Variants in TMTC2 observed in about 807,000 individuals in gnomAD.
TMTC2 encodes the protein transmembrane O-mannosyltransferase targeting cadherins 2.
Under a neutral mutation model 82.4 loss-of-function variants are expected in TMTC2, and 43 were observed. The ratio of observed to expected loss-of-function variants is 0.52; its 90% CI spans 0.41 to 0.67. TMTC2 has a LOEUF of 0.67. Among genes scored for constraint, TMTC2 ranks in the 30% least tolerant of loss-of-function variants. The probability of loss-of-function intolerance (pLI) is 0.00; values close to 1 mark genes in which losing one functional copy is unlikely to be tolerated. For synonymous variants in TMTC2, 408 were observed against 381.9 expected (o/e 1.07, Z -0.80); for missense variants, 919 against 1,012.4 (o/e 0.91, Z 1.25).
intron 2 of TMTC2, among the ~76,000 whole-genome samples, chr12:82,889,592 A>C (rs1873291891): frequency 6.6e-6 from 1 of 152,108 alleles, no homozygotes; most frequent in Admixed American, 6.5e-5. Flanking sequence ...CCTTTCGTAC[A>C]TACGTAAGCA....
chr12:82,722,281 G>A (rs752439643), intron 1 of TMTC2, among the ~76,000 whole-genome samples: 88 of 151,820 alleles, frequency 5.8e-4, no homozygotes, highest in Non-Finnish European at 1.2e-3. Flanking sequence ...GAGGTTGGGC[G>A]CGGTGGCTCA....
intron 7 of TMTC2, among the ~76,000 whole-genome samples, chr12:82,974,655 A>G (rs1878591882): frequency 6.6e-6 from 1 of 152,210 alleles, no homozygotes; most frequent in African/African-American, 2.4e-5. Context: ...CAAAAGCATA[A>G]TGAATTTATT....
intron 9 of TMTC2, among the ~76,000 whole-genome samples, chr12:83,038,708 G>A (rs565934206): frequency 6.6e-6 from 1 of 152,164 alleles, no homozygotes; most frequent in Non-Finnish European, 1.5e-5. Flanking sequence ...CATGGAGTAT[G>A]AATAAATTCT....
At chr12:83,127,874 A>G (rs1041527874) in intron 11 of TMTC2, among the ~76,000 whole-genome samples, 1 of 152,214 alleles carries the variant, frequency 6.6e-6, no homozygotes, top group Non-Finnish European at 1.5e-5. Flanking sequence ...CAAAGACCAC[A>G]GTAAAATAAC....
At chr12:82,899,357 A>G (rs1873843931) in intron 3 of TMTC2, among the ~76,000 whole-genome samples, 1 of 151,398 alleles carries the variant, frequency 6.6e-6, no homozygotes, top group African/African-American at 2.4e-5. Context: ...TTTTCCCTTC[A>G]CAGTTGACCT....
chr12:83,027,940 TCTTAAAA>T (rs1477729913), intron 8 of TMTC2, among the ~76,000 whole-genome samples: 1 of 152,218 alleles, frequency 6.6e-6, no homozygotes, highest in Non-Finnish European at 1.5e-5. Flanking sequence ...TCTTTTCTGT[TCTTAAAA>T]CTTAAGTGGA....
chr12:82,840,584 C>T lies in TMTC2; in HGVS notation c.84-16426C>T, dbSNP rs191085567. 3.3e-5 allele frequency among the ~76,000 whole-genome samples: 5 copies of T among 152,220 alleles called. No individual in the cohort carries two copies. The East Asian group carries it at 5.8e-4, about 18-fold the overall frequency. ...GAAATTATGTTTATTGTGATGGTCA[C>T]GATTGAATAAAAATGATCTCATGGT... On this transcript the variant is annotated intron_variant, in intron 1 of 11. Coordinates refer to ENST00000321196, the MANE Select transcript of TMTC2 (RefSeq NM_152588.3).
chr12:82,852,808 T>C (rs1334950584), intron 1 of TMTC2, among the ~76,000 whole-genome samples: 1 of 152,232 alleles, frequency 6.6e-6, no homozygotes, highest in Admixed American at 6.5e-5. Context: ...TCTTTCTTAA[T>C]AGGATGTTGA....
intron 9 of TMTC2, among the ~76,000 whole-genome samples, chr12:83,033,374 C>T (rs1479997149): frequency 6.6e-6 from 1 of 152,092 alleles, no homozygotes; most frequent in African/African-American, 2.4e-5. Context: ...AAGATTGAAG[C>T]CTAGAGAAAT....
intron 11 of TMTC2, among the ~76,000 whole-genome samples, chr12:83,084,118 G>C (rs1342165087): frequency 6.6e-6 from 1 of 152,156 alleles, no homozygotes; most frequent in African/African-American, 2.4e-5. Flanking sequence ...TCATACTCCT[G>C]AAATTCAGAA....
chr12:82,722,235 C>A (rs117382140), intron 1 of TMTC2, among the ~76,000 whole-genome samples: 3,050 of 151,854 alleles, frequency 0.02, 47 homozygotes, highest in Middle Eastern at 0.075. Flanking sequence ...TTTCTTTTCC[C>A]CTAAAATTGT....
intron 11 of TMTC2, among the ~76,000 whole-genome samples, chr12:83,125,228 T>C (rs1345876423): frequency 6.6e-6 from 1 of 152,228 alleles, no homozygotes; most frequent in East Asian, 1.9e-4. Flanking sequence ...TTGAGTGAAC[T>C]TATATCAAAG....
intron 1 of TMTC2, among the ~76,000 whole-genome samples, chr12:82,706,561 A>G (rs1416571983): frequency 6.6e-6 from 1 of 152,160 alleles, no homozygotes; most frequent in East Asian, 1.9e-4. Flanking sequence ...TAGCTATTAT[A>G]GGATTATATT....
intron 2 of TMTC2, among the ~76,000 whole-genome samples, chr12:82,864,968 A>G (rs1378284714): frequency 6.6e-6 from 1 of 150,702 alleles, no homozygotes; most frequent in Non-Finnish European, 1.5e-5. Context: ...TAATCCCAGC[A>G]CTTTGAGAGG....
chr12:83,032,859 C>T (rs1425329564), intron 9 of TMTC2, among the ~76,000 whole-genome samples: 2 of 152,216 alleles, frequency 1.3e-5, no homozygotes, highest in East Asian at 3.9e-4. Flanking sequence ...CTGCGCCCAG[C>T]CTACAAACTT....
chr12:83,064,564 A>C (rs1373030237), intron 11 of TMTC2, among the ~76,000 whole-genome samples: 1 of 151,928 alleles, frequency 6.6e-6, no homozygotes, highest in Non-Finnish European at 1.5e-5. Context: ...TTTGACTTAC[A>C]GTATGTGGTC....
At chr12:82,933,059 C>A (rs1384317510) in intron 4 of TMTC2, among the ~76,000 whole-genome samples, 1 of 152,004 alleles carries the variant, frequency 6.6e-6, no homozygotes, top group Non-Finnish European at 1.5e-5. Flanking sequence ...CAGTTTTTCC[C>A]CGTAATTGTT....
At chr12:82,729,788 T>C (rs1874675068) in intron 1 of TMTC2, among the ~76,000 whole-genome samples, 1 of 152,196 alleles carries the variant, frequency 6.6e-6, no homozygotes, top group Non-Finnish European at 1.5e-5. Context: ...CTTTGTTCTT[T>C]TGCTCTTTGC....
intron 1 of TMTC2, among the ~76,000 whole-genome samples, chr12:82,798,520 A>T (rs994870217): frequency 1.2e-4 from 17 of 141,814 alleles, no homozygotes; most frequent in African/African-American, 4.5e-4. Flanking sequence ...AGATGTAAAG[A>T]CTTGGCCGGT....
Sources: allele counts gnomAD v4.1 joint callset (sites outside exome capture counted in the v4.1 genomes callset), GRCh38; gene constraint gnomAD v4.1.1; transcripts MANE v1.5; gene names NCBI Gene and HGNC (gene_info 2026-07-23, HGNC 2026-07-21).